TCF7: variants seen among roughly 807,000 people sequenced by gnomAD.
TCF7 encodes the protein T-cell-factor-7.
Under a neutral mutation model 46.8 loss-of-function variants are expected in TCF7, and 19 were observed. The ratio of observed to expected loss-of-function variants is 0.41; its 90% CI spans 0.28 to 0.60. The LOEUF (loss-of-function observed/expected upper bound fraction) is 0.60. Ranked by LOEUF, TCF7 falls within the 20% of genes least tolerant of loss-of-function variation. The pLI, the probability that TCF7 is intolerant of heterozygous loss-of-function variation, is 0.35. For missense variants in TCF7, 547 were observed against 504.6 expected (o/e 1.08, Z -0.81); for synonymous variants, 245 against 213.4 (o/e 1.15, Z -1.29).
chr5:134,118,066 C>T (rs1756070195), intron 3 of TCF7, among the ~76,000 whole-genome samples: 1 of 152,240 alleles, frequency 6.6e-6, no homozygotes, highest in African/African-American at 2.4e-5. Flanking sequence ...AGAGCATTTG[C>T]TTGCATTACC....
chr5:134,116,701 C>A (rs753496542), intron 3 of TCF7, among the ~76,000 whole-genome samples: 1 of 152,228 alleles, frequency 6.6e-6, no homozygotes, highest in Non-Finnish European at 1.5e-5. Flanking sequence ...ATTTTTAAGT[C>A]CCAGTGCTTT....
At chr5:134,115,825 A>T in intron 2 of TCF7, 84 bp from the exon 3 acceptor site, 1 of 1,590,624 alleles carries the variant, frequency 6.3e-7, no homozygotes, top group South Asian at 1.1e-5. Flanking sequence ...CCCCTTGGCA[A>T]TTCTTTTTCT....
chr5:134,112,757 T>C (rs964237361), upstream of TCF7, among the ~76,000 whole-genome samples: 3 of 152,216 alleles, frequency 2.0e-5, no homozygotes, highest in Non-Finnish European at 4.4e-5. Flanking sequence ...TAAAGGCTAA[T>C]ACGAAGCTGG....
chr5:134,137,927 A>G (rs756251084), intron 3 of TCF7, 132 bp from the exon 4 acceptor site: 101 of 667,662 alleles, frequency 1.5e-4, no homozygotes, highest in Non-Finnish European at 2.3e-4. Flanking sequence ...CTTGAGTGGT[A>G]CCCCCTTCGC....
chr5:134,142,144 C>T (rs920819875), intron 5 of TCF7, 41 bp from the exon 6 acceptor site: 5 of 1,613,270 alleles, frequency 3.1e-6, no homozygotes, highest in Non-Finnish European at 4.2e-6. Context: ...AGGTCTGGCC[C>T]ATAATTCTTG....
rs930247155 is a variant in TCF7, at chr5:134,148,160, A to G, written c.*1857A>G. On this transcript the variant is annotated 3_prime_UTR_variant, in exon 10 of 10. Coordinates refer to ENST00000342854, the MANE Select transcript of TCF7 (RefSeq NM_003202.5). The stretch of plus-strand genomic sequence containing the variant: ...CAAAATATTTTTGTATTGTTAATGC[A>G]TCATCATAGAAAAACTTTTAAACAT... 1 of 152,642 alleles carries G rather than the reference A, an allele frequency of 6.6e-6. No individual in the cohort carries two copies. 9.5% of individuals were successfully genotyped at this position (152,642 alleles called of 1,614,324 possible).
chr5:134,123,214 C>G (rs1391229454), intron 3 of TCF7, among the ~76,000 whole-genome samples: 1 of 152,226 alleles, frequency 6.6e-6, no homozygotes, highest in Non-Finnish European at 1.5e-5. Context: ...GCTGCACTTT[C>G]CTTTCCCAGC....
chr5:134,122,047 G>A (rs1756667499), intron 3 of TCF7, among the ~76,000 whole-genome samples: 1 of 152,188 alleles, frequency 6.6e-6, no homozygotes, highest in Non-Finnish European at 1.5e-5. Flanking sequence ...AGGCTGCGTA[G>A]TATTGGCTAT....
rs1334478654 is a variant in TCF7, at chr5:134,115,421, G to A, written c.316+34G>A. The A allele has an allele frequency of 3.2e-6, 5 of 1,573,382 alleles. No individual in the cohort carries two copies. In the Admixed American group the frequency reaches 9.1e-5, roughly 29 times the overall value. On this transcript the variant is annotated intron_variant, in intron 2 of 9. Transcript: ENST00000342854. ...CTGCCCGGCCCGGCTTCCCTTCGTC[G>A]CGCTCAGGCCCTGGCCTCGGTGGGA...
chr5:134,143,504 C>A, intron 8 of TCF7, 88 bp from the exon 9 acceptor site: 1 of 1,551,726 alleles, frequency 6.4e-7, no homozygotes, highest in Non-Finnish European at 8.9e-7. Context: ...CGCCCAGAAT[C>A]CCAGGGTTAC....
At position 134,114,875 on chromosome 5, in the gene TCF7, AGCGCCCC is replaced by A. The variant is rs943700474; in HGVS notation, c.-23_-17del. On this transcript the variant is annotated 5_prime_UTR_variant, in exon 1 of 10. Coordinates refer to ENST00000342854, the MANE Select transcript of TCF7 (RefSeq NM_003202.5). The stretch of plus-strand genomic sequence containing the variant: ...TCCGCGCCCCGCACTCCCGGCGCCC[AGCGCCCC>A]GCGCCCCGGCGGGCGGAGCGCACCA... 67 of 983,446 alleles carry A rather than the reference AGCGCCCC, an allele frequency of 6.8e-5. No homozygotes were observed. Among genetic ancestry groups the A allele is most frequent in the African/African-American group, 2.9e-4 (16 of 55,872 alleles). 60.9% of individuals were successfully genotyped at this position (983,446 alleles called of 1,614,324 possible).
At chr5:134,132,086 G>A (rs138156086) in intron 3 of TCF7, among the ~76,000 whole-genome samples, 1 of 152,322 alleles carries the variant, frequency 6.6e-6, no homozygotes, top group Non-Finnish European at 1.5e-5. Flanking sequence ...TTTAGAACTG[G>A]GACAGTGTCC....
In TCF7 at chr5:134,146,338, C is replaced by T. The variant is rs1260635269; in HGVS notation, c.*35C>T. ...GGTCCCCAGCTCCCCAGGACTCACCCTCATACCATCTGCTGCCCCGCTTCC... is the reference window on the plus strand; with the variant it reads ...GGTCCCCAGCTCCCCAGGACTCACCTTCATACCATCTGCTGCCCCGCTTCC... On this transcript the variant is annotated 3_prime_UTR_variant, in exon 10 of 10. Transcript: ENST00000342854. The T allele has an allele frequency of 1.2e-6, 2 of 1,610,538 alleles. No individual in the cohort carries two copies. Among genetic ancestry groups the T allele is most frequent in the Admixed American group, 1.7e-5 (1 of 60,026 alleles).
intron 3 of TCF7, among the ~76,000 whole-genome samples, chr5:134,119,354 G>C (rs539139377): frequency 3.3e-5 from 5 of 152,304 alleles, no homozygotes; most frequent in African/African-American, 1.2e-4. Flanking sequence ...GGGAGCGACT[G>C]CTAATGGGTA....
chr5:134,124,061 C>T (rs766590387), intron 3 of TCF7, among the ~76,000 whole-genome samples: 8 of 152,076 alleles, frequency 5.3e-5, no homozygotes, highest in Non-Finnish European at 7.4e-5. Flanking sequence ...GAACTCTACC[C>T]CAGAGGTCAG....
At chr5:134,136,839 A>T (rs539941056) in intron 3 of TCF7, among the ~76,000 whole-genome samples, 1 of 152,212 alleles carries the variant, frequency 6.6e-6, no homozygotes, top group Non-Finnish European at 1.5e-5. Flanking sequence ...ACAGCCCCTC[A>T]TTACTGACTT....
rs555393932 is a variant in TCF7 at position 134,120,345 on chromosome 5, GC to G, written c.441+4314del. On this transcript the variant is annotated intron_variant, in intron 3 of 9. Transcript: ENST00000342854. ...AGGCTTCACGTAGCAGCCACAGGGG[GC>G]CTTTAAAAACAGAGTCAGATCACAT... Among the ~76,000 whole-genome samples the G allele has an allele frequency of 2.6e-3, 395 of 152,230 alleles. 3 individuals carry two copies. The highest frequency in any genetic ancestry group is 9.2e-3 in the African/African-American group (384 of 41,530).
intron 9 of TCF7, chr5:134,144,849 G>A (rs765208997): frequency 4.8e-5 from 77 of 1,614,152 alleles, no homozygotes; most frequent in South Asian, 2.4e-4. Flanking sequence ...ACCAGCAGAC[G>A]GATTGGTGTG....
intron 9 of TCF7, chr5:134,144,049 C>G (rs1476676619): frequency 5.5e-6 from 1 of 182,682 alleles, no homozygotes; most frequent in Non-Finnish European, 1.2e-5. Context: ...AGTAGACACA[C>G]AGCCTACTGG....
Sources: allele counts gnomAD v4.1 joint callset (sites outside exome capture counted in the v4.1 genomes callset), GRCh38; gene constraint gnomAD v4.1.1; transcripts MANE v1.5; gene names NCBI Gene and HGNC (gene_info 2026-07-23, HGNC 2026-07-21).